Variants in TPST2 observed in about 807,000 individuals in gnomAD.
The protein encoded by TPST2 is protein-tyrosine sulfotransferase 2.
Under a neutral mutation model 27.8 loss-of-function variants are expected in TPST2, and 16 were observed. The ratio of observed to expected loss-of-function variants is 0.58; its 90% CI spans 0.39 to 0.88. The LOEUF (loss-of-function observed/expected upper bound fraction) is 0.88, where lower values mean the gene tolerates loss of function less well. Among genes scored for constraint, TPST2 ranks in the 40% least tolerant of loss-of-function variants. The pLI is 0.00. For missense variants in TPST2, 464 were observed against 543.1 expected, an observed-to-expected ratio of 0.85 and a Z score of 1.45; for synonymous variants, 229 against 231.7, an observed-to-expected ratio of 0.99 and a Z score of 0.10.
chr22:26,540,289 C>G (rs1925720478), intron 3 of TPST2, among the ~76,000 whole-genome samples: 1 of 152,128 alleles, frequency 6.6e-6, no homozygotes, highest in Non-Finnish European at 1.5e-5. Flanking sequence ...TGCCTTACTA[C>G]AAAGCATATT....
Position 26,527,186 on chromosome 22 carries a change from T to C in TPST2, c.*8-919A>G, listed in dbSNP as rs79658646. ...AAATTGAAAGAAAAACTAAAACATA[T>C]GCTGATTGTTTAAAAATAGATACAG... On this transcript the variant is annotated intron_variant, in intron 6 of 6. Coordinates refer to ENST00000338754, the MANE Select transcript of TPST2 (RefSeq NM_003595.5). Among the ~76,000 whole-genome samples the C allele has an allele frequency of 5.2e-3, 799 of 152,236 alleles. 8 individuals carry two copies. The highest frequency in any genetic ancestry group is 0.018 in the African/African-American group (762 of 41,542).
intron 6 of TPST2, among the ~76,000 whole-genome samples, chr22:26,527,285 G>C (rs1283663387): frequency 6.6e-6 from 1 of 152,176 alleles, no homozygotes. Flanking sequence ...CCTTTAACCT[G>C]ATCATAGAGG....
In TPST2 at chr22:26,525,543, T is replaced by C. The variant is rs992652565; in HGVS notation, c.*732A>G. 6.6e-6 allele frequency: 1 copy of C among 152,264 alleles called. No homozygotes were observed. Among genetic ancestry groups the C allele is most frequent in the African/African-American group, 2.4e-5 (1 of 41,472 alleles). 9.4% of individuals were successfully genotyped at this position (152,264 alleles called of 1,614,324 possible). On this transcript the variant is annotated 3_prime_UTR_variant, in exon 7 of 7. Transcript: ENST00000338754. Reference sequence around the variant, plus strand: ...TTGCTGATTTTAATGTTTATCCTTTTGCTGTAATAAACCATAACCATAAGG... The same window carrying C: ...TTGCTGATTTTAATGTTTATCCTTTCGCTGTAATAAACCATAACCATAAGG...
rs1323259043 is a variant in TPST2, at chr22:26,544,601, T to TA, written c.-89+2dup. 1 of 985,756 alleles carries TA rather than the reference T, an allele frequency of 1.0e-6. No homozygotes were observed. Among genetic ancestry groups the TA allele is most frequent in the East Asian group, 1.1e-4 (1 of 8,830 alleles). The allele number at this position is 985,756 out of a possible 1,614,324, so 61.1% of individuals were successfully genotyped here. On this transcript the variant is annotated splice_region_variant and intron_variant, in intron 2 of 6. Transcript: ENST00000338754. Reference sequence around the variant, plus strand: ...AGGGGAAGTTCCTTCTAGGTGCACTTACCTCCCTTGGGCACTCTCATCTCT... The same window carrying TA: ...AGGGGAAGTTCCTTCTAGGTGCACTTAACCTCCCTTGGGCACTCTCATCTCT...
chr22:26,577,404 G>A (rs559938196), intron 1 of TPST2, among the ~76,000 whole-genome samples: 5 of 151,854 alleles, frequency 3.3e-5, no homozygotes, highest in Non-Finnish European at 5.9e-5. Flanking sequence ...AAGTGTAGTG[G>A]CACTATCTTG....
intron 1 of TPST2, among the ~76,000 whole-genome samples, chr22:26,570,044 A>T (rs1383448935): frequency 7.4e-6 from 1 of 135,730 alleles, no homozygotes; most frequent in Non-Finnish European, 1.6e-5. Flanking sequence ...AGAAAGAAAG[A>T]CAGAAAGAAA....
At chr22:26,589,797 G>T (rs998422838) in intron 1 of TPST2, among the ~76,000 whole-genome samples, 1 of 152,098 alleles carries the variant, frequency 6.6e-6, no homozygotes, top group Admixed American at 6.5e-5. Flanking sequence ...TGGTAACGGG[G>T]GCCCGGTGGA....
At chr22:26,533,347 G>GA (rs1241917266) in intron 4 of TPST2, among the ~76,000 whole-genome samples, 1 of 152,168 alleles carries the variant, frequency 6.6e-6, no homozygotes, top group Admixed American at 6.5e-5. Flanking sequence ...TTGAGCCCGG[G>GA]AGGTTGAGGC....
At chr22:26,555,426 A>G (rs895788232) in intron 1 of TPST2, 38 of 358,470 alleles carry the variant, frequency 1.1e-4, no homozygotes, top group Non-Finnish European at 2.8e-5. Context: ...GCCACTCACC[A>G]GTGGCCTTGA....
rs147853065 is a variant in TPST2, at chr22:26,575,492, G to A, written c.-161+14561C>T. On this transcript the variant is annotated intron_variant, in intron 1 of 6. Transcript: ENST00000338754. ...CTTCCTGCTGCATCCTCCGGAGACAGCGACACTATCATTTCTATACCTCCC... is the reference window on the plus strand; with the variant it reads ...CTTCCTGCTGCATCCTCCGGAGACAACGACACTATCATTTCTATACCTCCC... Among the ~76,000 whole-genome samples, 102 of 152,304 alleles carry A rather than the reference G, an allele frequency of 6.7e-4. 2 individuals carry two copies. Among genetic ancestry groups the A allele is most frequent in the African/African-American group, 2.4e-3 (98 of 41,550 alleles).
At chr22:26,568,175 G>C (rs528431570) in intron 1 of TPST2, among the ~76,000 whole-genome samples, 1 of 152,346 alleles carries the variant, frequency 6.6e-6, no homozygotes, top group African/African-American at 2.4e-5. Flanking sequence ...ATTGGCAATA[G>C]AATGGATAAA....
intron 1 of TPST2, among the ~76,000 whole-genome samples, chr22:26,572,389 T>C (rs796147841): frequency 6.6e-6 from 1 of 152,300 alleles, no homozygotes; most frequent in African/African-American, 2.4e-5. Context: ...GGAGCCGAGA[T>C]GGAGACACAA....
At chr22:26,580,871 G>A (rs545446069) in intron 1 of TPST2, among the ~76,000 whole-genome samples, 1 of 152,210 alleles carries the variant, frequency 6.6e-6, no homozygotes, top group Admixed American at 6.5e-5. Context: ...CTTTCGCTCT[G>A]TGATTTAGCA....
chr22:26,560,310 T>G (rs543191567), intron 1 of TPST2, among the ~76,000 whole-genome samples: 1 of 152,284 alleles, frequency 6.6e-6, no homozygotes, highest in African/African-American at 2.4e-5. Flanking sequence ...GCTACAGAGC[T>G]ACATGACTTT....
chr22:26,528,326 A>AG, intron 5 of TPST2, 64 bp from the exon 6 acceptor site: 3 of 1,531,446 alleles, frequency 2.0e-6, no homozygotes, highest in Non-Finnish European at 2.7e-6. Flanking sequence ...TGCTGTATTG[A>AG]GGGTCACCCC....
chr22:26,551,886 T>TTTC (rs1555931144), intron 1 of TPST2, among the ~76,000 whole-genome samples: 1 of 45,434 alleles, frequency 2.2e-5, no homozygotes, highest in Non-Finnish European at 4.1e-5. Context: ...TCTTTTTCTT[T>TTTC]TTTTTTTTTT....
intron 1 of TPST2, among the ~76,000 whole-genome samples, chr22:26,573,313 G>A (rs1293540926): frequency 1.3e-5 from 2 of 152,232 alleles, no homozygotes; most frequent in Non-Finnish European, 2.9e-5. Context: ...TGACAGGCGT[G>A]AGCCACGGCG....
intron 1 of TPST2, among the ~76,000 whole-genome samples, chr22:26,562,854 C>T (rs1390406196): frequency 1.3e-5 from 2 of 152,142 alleles, no homozygotes; most frequent in African/African-American, 4.8e-5. Context: ...AACTCTCGAC[C>T]TCAAGTGATC....
chr22:26,582,549 C>T (rs952356220), intron 1 of TPST2, among the ~76,000 whole-genome samples: 6 of 152,226 alleles, frequency 3.9e-5, no homozygotes, highest in Non-Finnish European at 8.8e-5. Flanking sequence ...AGGCTGACAT[C>T]TCACGTCAGA....
Sources: allele counts gnomAD v4.1 joint callset (sites outside exome capture counted in the v4.1 genomes callset), GRCh38; gene constraint gnomAD v4.1.1; transcripts MANE v1.5; gene names NCBI Gene and HGNC (gene_info 2026-07-23, HGNC 2026-07-21).